The following DISC1 variants were observed in gnomAD, a reference collection of about 807,000 sequenced individuals.
DISC1 encodes DISC1 scaffold protein, also known as disrupted in schizophrenia 1 protein.
A neutral mutation model predicts 84.5 loss-of-function variants in DISC1; 57 were observed. The observed-to-expected ratio is 0.67, with a 90% CI of 0.55 to 0.84. DISC1 has a LOEUF of 0.84. DISC1 is among the 40% of genes least tolerant of loss of function. DISC1 has a pLI of 0.00. For missense variants in DISC1, 1,000 were observed against 1,057.8 expected (o/e 0.95, Z 0.76); for synonymous variants, 411 against 415.2 (o/e 0.99, Z 0.12).
chr1:231,722,920 G>T (rs545817140), intron 3 of DISC1: 6 of 1,278,342 alleles, frequency 4.7e-6, no homozygotes, highest in Admixed American at 3.5e-5. Flanking sequence ...ATTTTTGTAG[G>T]GGGGAGAAAC....
intron 4 of DISC1, among the ~76,000 whole-genome samples, chr1:231,757,919 T>C (rs542820678): frequency 5.4e-4 from 82 of 151,468 alleles, no homozygotes; most frequent in African/African-American, 1.8e-3. Context: ...GGAACCGTGC[T>C]CACAGTCGGC....
chr1:231,687,194 T>G (rs1414553564), intron 1 of DISC1, among the ~76,000 whole-genome samples: 1 of 152,186 alleles, frequency 6.6e-6, no homozygotes, highest in African/African-American at 2.4e-5. Context: ...CATTTTTGGG[T>G]ATCTTTTCAG....
chr1:232,025,311 C>T (rs1178053667), intron 11 of DISC1, among the ~76,000 whole-genome samples: 2 of 152,084 alleles, frequency 1.3e-5, no homozygotes, highest in African/African-American at 2.4e-5. Flanking sequence ...CTTAGCTTGC[C>T]TTTAGGAGAG....
At chr1:231,729,316 C>T (rs1376693330) in intron 3 of DISC1, among the ~76,000 whole-genome samples, 1 of 152,164 alleles carries the variant, frequency 6.6e-6, no homozygotes, top group East Asian at 1.9e-4. Context: ...GTGCATATGT[C>T]TTTATAGCAG....
Position 231,760,410 on chromosome 1 carries a change from T to C in DISC1, c.1269-6730T>C, listed in dbSNP as rs530050776. ...ACACACAAGTCATATGACATAAATT[T>C]GATAGGATAGTCATCAGTAGGGAGC... On this transcript the variant is annotated intron_variant, in intron 4 of 12. Transcript: ENST00000439617. Among the ~76,000 whole-genome samples the C allele has an allele frequency of 1.4e-3, 207 of 152,278 alleles. 1 individual carries two copies. The highest frequency in any genetic ancestry group is 4.6e-3 in the African/African-American group (192 of 41,556).
chr1:232,010,105 A>G (rs1667896075), intron 11 of DISC1, among the ~76,000 whole-genome samples: 1 of 152,132 alleles, frequency 6.6e-6, no homozygotes, highest in Non-Finnish European at 1.5e-5. Flanking sequence ...TTTGGATTCC[A>G]TGGTCTTATA....
At chr1:231,941,898 G>A (rs1248095340) in intron 9 of DISC1, among the ~76,000 whole-genome samples, 1 of 152,248 alleles carries the variant, frequency 6.6e-6, no homozygotes, top group African/African-American at 2.4e-5. Context: ...GCCAAGAACT[G>A]TAGGGGAAAG....
chr1:232,001,551 T>C (rs1477245639), intron 10 of DISC1, among the ~76,000 whole-genome samples: 1 of 152,134 alleles, frequency 6.6e-6, no homozygotes, highest in East Asian at 1.9e-4. Flanking sequence ...ATATTATAAA[T>C]AAATTGAGAT....
chr1:231,933,849 G>C (rs1336451329), intron 9 of DISC1, among the ~76,000 whole-genome samples: 1 of 152,146 alleles, frequency 6.6e-6, no homozygotes, highest in Non-Finnish European at 1.5e-5. Flanking sequence ...CATTGGCCCA[G>C]CCTCCTGTCC....
chr1:231,995,559 C>T (rs1665833187), intron 10 of DISC1, among the ~76,000 whole-genome samples: 1 of 151,756 alleles, frequency 6.6e-6, no homozygotes. Context: ...TCTCATTGTT[C>T]AATTCCCACC....
At chr1:231,841,048 C>T (rs1278183825) in intron 9 of DISC1, among the ~76,000 whole-genome samples, 1 of 152,170 alleles carries the variant, frequency 6.6e-6, no homozygotes, top group African/African-American at 2.4e-5. Context: ...AATCCAAAAT[C>T]TGGAATGCTC....
chr1:231,988,104 T>G (rs821665), intron 10 of DISC1, among the ~76,000 whole-genome samples: 41,519 of 151,948 alleles, frequency 0.27, 5,914 homozygotes, highest in African/African-American at 0.29. Context: ...GAGAATCACT[T>G]GAACCTGGGA....
chr1:231,993,453 T>G (rs1403551298), intron 10 of DISC1, among the ~76,000 whole-genome samples: 1 of 151,568 alleles, frequency 6.6e-6, no homozygotes, highest in Non-Finnish European at 1.5e-5. Flanking sequence ...AGTAAAGAAA[T>G]AAAATGCTTA....
intron 1 of DISC1, among the ~76,000 whole-genome samples, chr1:231,641,355 G>A (rs2125179825): frequency 6.6e-6 from 1 of 152,280 alleles, no homozygotes; most frequent in South Asian, 2.1e-4. Flanking sequence ...CAAGAGTGAA[G>A]CTGCGGACCT....
chr1:231,791,586 G>A (rs1290435692), intron 6 of DISC1, among the ~76,000 whole-genome samples: 1 of 152,206 alleles, frequency 6.6e-6, no homozygotes, highest in Non-Finnish European at 1.5e-5. Flanking sequence ...TTTGAATGAA[G>A]ATACTCATTT....
intron 9 of DISC1, among the ~76,000 whole-genome samples, chr1:231,913,582 G>A (rs1279907748): frequency 6.6e-6 from 1 of 152,192 alleles, no homozygotes; most frequent in Non-Finnish European, 1.5e-5. Context: ...GCACCTGAGG[G>A]TGATAGCCTC....
intron 4 of DISC1, among the ~76,000 whole-genome samples, chr1:231,758,814 A>G (rs200597759): frequency 2.1e-3 from 315 of 152,204 alleles, no homozygotes; most frequent in African/African-American, 6.9e-3. Context: ...AATACATTGC[A>G]TTTCTCTAAC....
chr1:231,739,195 A>G (rs1318860656), intron 3 of DISC1, among the ~76,000 whole-genome samples: 1 of 152,178 alleles, frequency 6.6e-6, no homozygotes, highest in Non-Finnish European at 1.5e-5. Flanking sequence ...CATATTAAAA[A>G]CTAGTAGTTT....
chr1:231,871,614 G>A (rs1040821971), intron 9 of DISC1, among the ~76,000 whole-genome samples: 1 of 152,188 alleles, frequency 6.6e-6, no homozygotes, highest in Non-Finnish European at 1.5e-5. Flanking sequence ...AGCCAACCAT[G>A]TGTTAATCTC....
Sources: allele counts gnomAD v4.1 joint callset (sites outside exome capture counted in the v4.1 genomes callset), GRCh38; gene constraint gnomAD v4.1.1; transcripts MANE v1.5; gene names NCBI Gene and HGNC (gene_info 2026-07-23, HGNC 2026-07-21).